The following WWC1 variants were observed in gnomAD, a reference collection of about 807,000 sequenced individuals.
WWC1 encodes the protein protein KIBRA.
A neutral mutation model predicts 138.4 loss-of-function variants in WWC1; 55 were observed. The ratio of observed to expected loss-of-function variants is 0.40; its 90% confidence interval spans 0.32 to 0.50. The LOEUF (loss-of-function observed/expected upper bound fraction) is 0.50, where lower values mean the gene tolerates loss of function less well. Among genes scored for constraint, WWC1 ranks in the 20% least tolerant of loss-of-function variants. The probability of loss-of-function intolerance (pLI) is 0.72; values close to 1 mark genes in which losing one functional copy is unlikely to be tolerated. For missense variants in WWC1, 1,226 were observed against 1,420.4 expected, an observed-to-expected ratio of 0.86 and a Z score of 2.20; for synonymous variants, 524 against 564.9, an observed-to-expected ratio of 0.93 and a Z score of 1.03.
chr5:168,467,810 C>G, intron 21 of WWC1, 30 bp from the exon 22 acceptor site: 2 of 1,613,850 alleles, frequency 1.2e-6, no homozygotes, highest in Non-Finnish European at 1.7e-6. Context: ...GCCCCCTCCA[C>G]TGACTCAGGG....
intron 1 of WWC1, among the ~76,000 whole-genome samples, chr5:168,304,084 G>A (rs980337685): frequency 1.3e-5 from 2 of 152,196 alleles, no homozygotes; most frequent in African/African-American, 4.8e-5. Flanking sequence ...CATAGAGTTA[G>A]TAATAATCAC....
At chr5:168,430,608 G>A (rs1781862520) in intron 14 of WWC1, among the ~76,000 whole-genome samples, 1 of 150,910 alleles carries the variant, frequency 6.6e-6, no homozygotes, top group Admixed American at 6.6e-5. Flanking sequence ...AGTGTTTCTT[G>A]CAGAGAGAGA....
In WWC1 at chr5:168,464,965, G is replaced by T; in HGVS notation, c.3150+3G>T. 1 of 1,613,566 alleles carries T rather than the reference G, an allele frequency of 6.2e-7. No individual in the cohort carries two copies. Among genetic ancestry groups the T allele is most frequent in the South Asian group, 1.1e-5 (1 of 91,050 alleles). ...TGCTGAGGATGCTGGAGAAGCGGGT[G>T]AGTTCTGCCTCGAAGGCAGGGGAGC... On this transcript the variant is annotated splice_donor_region_variant and intron_variant, in intron 21 of 22. Transcript: ENST00000265293.
chr5:168,335,736 T>G (rs1302646649), intron 1 of WWC1, among the ~76,000 whole-genome samples: 1 of 152,348 alleles, frequency 6.6e-6, no homozygotes, highest in East Asian at 1.9e-4. Context: ...AGCCAGCACT[T>G]GACTATTTCC....
Position 168,291,949 on chromosome 5 carries a change from G to T in WWC1, c.-204G>T. On this transcript the variant is annotated 5_prime_UTR_variant, in exon 1 of 23. Transcript: ENST00000265293. Reference sequence around the variant, plus strand: ...GTGAGAGGCCGGCGGCGGGAGGAGCGGGCGGCGCCGGGTCGGGGCTGCAGG... The same window carrying T: ...GTGAGAGGCCGGCGGCGGGAGGAGCTGGCGGCGCCGGGTCGGGGCTGCAGG... The T allele has an allele frequency of 2.8e-6, 1 of 351,624 alleles. No individual in the cohort carries two copies. Among genetic ancestry groups the T allele is most frequent in the Non-Finnish European group, 4.8e-6 (1 of 210,478 alleles). 21.8% of individuals were successfully genotyped at this position (351,624 alleles called of 1,614,324 possible). A position where few individuals can be genotyped will look rare whatever the true frequency, so the allele number is the denominator to read the frequency against.
chr5:168,467,412 T>A (rs1395424675), intron 21 of WWC1, among the ~76,000 whole-genome samples: 1 of 152,208 alleles, frequency 6.6e-6, no homozygotes. Flanking sequence ...AGGGGCATAG[T>A]GTTATACCCA....
At position 168,413,447 on chromosome 5, in the gene WWC1, A is replaced by G. The variant is rs533353841; in HGVS notation, c.942-901A>G. Among the ~76,000 whole-genome samples the G allele has an allele frequency of 1.4e-4, 21 of 152,324 alleles. 1 individual carries two copies. The South Asian group carries it at 4.1e-3, about 30-fold the overall frequency. On this transcript the variant is annotated intron_variant, in intron 8 of 22. Transcript: ENST00000265293. ...AGGGCTCTTAATGCTGTGTTCTCACATAACCCACCCTATAGGTACCATATC... is the reference window on the plus strand; with the variant it reads ...AGGGCTCTTAATGCTGTGTTCTCACGTAACCCACCCTATAGGTACCATATC...
At chr5:168,398,115 A>T (rs146815344) in intron 4 of WWC1, among the ~76,000 whole-genome samples, 1,651 of 151,100 alleles carry the variant, frequency 0.011, 25 homozygotes, top group East Asian at 0.026. Flanking sequence ...TTTTATTTTT[A>T]TTTTTTGAGA....
chr5:168,324,070 A>G (rs1772339574), intron 1 of WWC1, among the ~76,000 whole-genome samples: 1 of 152,254 alleles, frequency 6.6e-6, no homozygotes, highest in Non-Finnish European at 1.5e-5. Flanking sequence ...ATAAAATCCA[A>G]ACATTTTCAG....
At chr5:168,351,049 A>G (rs1774911455) in intron 1 of WWC1, among the ~76,000 whole-genome samples, 1 of 151,502 alleles carries the variant, frequency 6.6e-6, no homozygotes, top group African/African-American at 2.4e-5. Flanking sequence ...TGGGAGGCTG[A>G]GGTAGGAGAA....
At chr5:168,394,174 G>A (rs1470278299) in intron 3 of WWC1, among the ~76,000 whole-genome samples, 5 of 152,046 alleles carry the variant, frequency 3.3e-5, no homozygotes, top group South Asian at 4.1e-4. Context: ...AAGTAATGCC[G>A]AAAACAGAAA....
intron 1 of WWC1, among the ~76,000 whole-genome samples, chr5:168,329,190 C>T (rs1311613489): frequency 6.6e-6 from 1 of 152,148 alleles, no homozygotes; most frequent in Non-Finnish European, 1.5e-5. Flanking sequence ...GCACTGCTGA[C>T]TGATAACACA....
At position 168,468,042 on chromosome 5, in the gene WWC1, T is replaced by C. The variant is rs1013405824; in HGVS notation, c.3275+78T>C. 1.3e-5 allele frequency: 21 copies of C among 1,585,352 alleles called. No homozygotes were observed. In the African/African-American group the frequency reaches 2.8e-4, roughly 21 times the overall value. ...CTTAGTCTTCTGTCTGTGGTCTTAC[T>C]GCTCTCATCCCTTGCTCACAGAGCA... On this transcript the variant is annotated intron_variant, in intron 22 of 22. Coordinates refer to ENST00000265293, the MANE Select transcript of WWC1 (RefSeq NM_015238.3).
intron 22 of WWC1, among the ~76,000 whole-genome samples, chr5:168,468,234 C>G (rs867105381): frequency 6.6e-5 from 10 of 152,244 alleles, no homozygotes; most frequent in South Asian, 4.1e-4. Context: ...AGCCTTTCCT[C>G]GTAGTGTTTT....
intron 1 of WWC1, among the ~76,000 whole-genome samples, chr5:168,363,396 C>T (rs1271148408): frequency 6.6e-6 from 1 of 151,740 alleles, no homozygotes; most frequent in Non-Finnish European, 1.5e-5. Context: ...TGGTGGCGGG[C>T]ACCTGTAGTC....
In WWC1 at chr5:168,420,580, G is replaced by A. The variant is rs557643436; in HGVS notation, c.1185-1428G>A. Among the ~76,000 whole-genome samples, 4 of 151,570 alleles carry A rather than the reference G, an allele frequency of 2.6e-5. No individual in the cohort carries two copies. In the East Asian group the frequency reaches 5.8e-4, roughly 22 times the overall value. ...CATCTGATAGGGACCCCCCCGCCCC[G>A]ACCTTTAGAGCAGCCCACCTGTTCA... is the stretch of plus-strand genomic sequence containing the variant. On this transcript the variant is annotated intron_variant, in intron 9 of 22. Coordinates refer to ENST00000265293, the MANE Select transcript of WWC1 (RefSeq NM_015238.3).
At chr5:168,424,794 T>A (rs1294079020) in intron 11 of WWC1, among the ~76,000 whole-genome samples, 1 of 152,176 alleles carries the variant, frequency 6.6e-6, no homozygotes, top group Admixed American at 6.5e-5. Flanking sequence ...TTATCCTAAT[T>A]GCACTGGGGA....
chr5:168,313,059 C>T (rs1463472734), intron 1 of WWC1, among the ~76,000 whole-genome samples: 9 of 151,940 alleles, frequency 5.9e-5, no homozygotes, highest in African/African-American at 1.7e-4. Context: ...TCACCCGCCT[C>T]GGCCTCACAA....
At chr5:168,430,605 C>G (rs1209378806) in intron 14 of WWC1, among the ~76,000 whole-genome samples, 3 of 151,546 alleles carry the variant, frequency 2.0e-5, no homozygotes, top group Non-Finnish European at 4.4e-5. Flanking sequence ...TCAAGTGTTT[C>G]TTGCAGAGAG....
Sources: allele counts gnomAD v4.1 joint callset (sites outside exome capture counted in the v4.1 genomes callset), GRCh38; gene constraint gnomAD v4.1.1; transcripts MANE v1.5; gene names NCBI Gene and HGNC (gene_info 2026-07-23, HGNC 2026-07-21).